The following SCRG1 variants were observed in gnomAD, a reference collection of about 807,000 sequenced individuals.
The protein encoded by SCRG1 is stimulator of chondrogenesis 1, also known as scrapie-responsive protein 1.
Under a neutral mutation model 7.7 loss-of-function variants are expected in SCRG1, and 3 were observed. The observed-to-expected ratio is 0.39, with a 90% CI of 0.18 to 1.01. SCRG1 has a LOEUF of 1.01. Ranked by LOEUF, SCRG1 falls within the 50% of genes least tolerant of loss-of-function variation. SCRG1 has a pLI of 0.36. For synonymous variants in SCRG1, 46 were observed against 41.2 expected, an observed-to-expected ratio of 1.12 and a Z score of -0.44; for missense variants, 110 against 117.2, an observed-to-expected ratio of 0.94 and a Z score of 0.28.
the SCRG1 span, among the ~76,000 whole-genome samples, chr4:173,417,428 TA>T: frequency 6.6e-6 from 1 of 152,106 alleles, no homozygotes; most frequent in Admixed American, 6.5e-5. Context: ...AGTTGCCCCC[TA>T]AGCCTCCAAA....
At chr4:173,504,458 C>T in the SCRG1 span, among the ~76,000 whole-genome samples, 1 of 152,178 alleles carries the variant, frequency 6.6e-6, no homozygotes, top group African/African-American at 2.4e-5. The surrounding 1 kb of genome is among the most constrained non-coding windows in gnomAD (Gnocchi z 4.7). Flanking sequence ...GACTAGACCT[C>T]TTTGTCTGCA....
chr4:173,494,839 G>A, the SCRG1 span, among the ~76,000 whole-genome samples: 1 of 152,236 alleles, frequency 6.6e-6, no homozygotes, highest in African/African-American at 2.4e-5. Flanking sequence ...AAATAACTGC[G>A]GCACTTAAAG....
the SCRG1 span, among the ~76,000 whole-genome samples, chr4:173,481,360 A>T: frequency 6.6e-6 from 1 of 152,322 alleles, no homozygotes; most frequent in East Asian, 1.9e-4. Flanking sequence ...ACGTGAGTTA[A>T]TTGAAGCATA....
At chr4:173,447,176 T>C in the SCRG1 span, among the ~76,000 whole-genome samples, 1 of 152,198 alleles carries the variant, frequency 6.6e-6, no homozygotes, top group Non-Finnish European at 1.5e-5. Flanking sequence ...GCAGGGTTTT[T>C]GATGAGAGTT....
upstream of SCRG1, among the ~76,000 whole-genome samples, chr4:173,407,252 C>G (rs1423647522): frequency 6.7e-6 from 1 of 148,246 alleles, no homozygotes; most frequent in Non-Finnish European, 1.5e-5. Context: ...TGCGGTGGCT[C>G]ACGCTTGTAA....
the SCRG1 span, among the ~76,000 whole-genome samples, chr4:173,432,637 C>T: frequency 1.3e-5 from 2 of 152,134 alleles, no homozygotes; most frequent in African/African-American, 2.4e-5. Flanking sequence ...CTCTAGGTTT[C>T]GGTTCTGTCA....
chr4:173,420,897 G>T, the SCRG1 span, among the ~76,000 whole-genome samples: 15 of 152,116 alleles, frequency 9.9e-5, no homozygotes, highest in Non-Finnish European at 1.9e-4. Flanking sequence ...CCTCCCCAAA[G>T]TCTGTGTGAG....
the SCRG1 span, among the ~76,000 whole-genome samples, chr4:173,432,709 G>A: frequency 2.6e-4 from 40 of 152,282 alleles, 2 homozygotes; most frequent in South Asian, 8.1e-3. Flanking sequence ...GTCCTAAAAT[G>A]TATAGAAAGG....
the SCRG1 span, among the ~76,000 whole-genome samples, chr4:173,483,760 CATATATATG>C: frequency 2.0e-3 from 31 of 15,256 alleles, 11 homozygotes; most frequent in South Asian, 0.012. Context: ...TGTGATATAT[CATATATATG>C]ATATATGATA....
the SCRG1 span, among the ~76,000 whole-genome samples, chr4:173,476,363 A>AAAAT: frequency 5.5e-4 from 54 of 98,508 alleles, 3 homozygotes; most frequent in African/African-American, 1.6e-3. Flanking sequence ...GGAAAAAAAA[A>AAAAT]ATATATATAT....
the SCRG1 span, among the ~76,000 whole-genome samples, chr4:173,430,861 A>G: frequency 2.0e-5 from 3 of 151,794 alleles, no homozygotes; most frequent in African/African-American, 7.3e-5. Context: ...AAATACAGGG[A>G]AAAACAATCT....
the SCRG1 span, among the ~76,000 whole-genome samples, chr4:173,429,251 G>A: frequency 6.6e-6 from 1 of 151,846 alleles, no homozygotes; most frequent in African/African-American, 2.4e-5. Flanking sequence ...TTTCTAGTAA[G>A]AAACCATTCT....
the SCRG1 span, among the ~76,000 whole-genome samples, chr4:173,483,256 G>A: frequency 5.6e-5 from 2 of 35,630 alleles, no homozygotes; most frequent in African/African-American, 7.5e-5. Context: ...TATCATATAT[G>A]ATATATCATA....
At chr4:173,485,348 G>C in the SCRG1 span, among the ~76,000 whole-genome samples, 4 of 148,782 alleles carry the variant, frequency 2.7e-5, no homozygotes, top group Non-Finnish European at 4.4e-5. Context: ...AAGTAAATCA[G>C]ACCTAGCTGT....
chr4:173,455,655 T>C, the SCRG1 span, among the ~76,000 whole-genome samples: 11 of 152,078 alleles, frequency 7.2e-5, no homozygotes. Flanking sequence ...CGCAGGCTCA[T>C]GTCAAGAAAA....
chr4:173,471,810 A>T, the SCRG1 span, among the ~76,000 whole-genome samples: 5 of 152,186 alleles, frequency 3.3e-5, no homozygotes, highest in African/African-American at 1.2e-4. Flanking sequence ...CCTGGGTTCA[A>T]GCGATTCTCC....
chr4:173,464,430 T>C, the SCRG1 span, among the ~76,000 whole-genome samples: 2 of 152,184 alleles, frequency 1.3e-5, no homozygotes, highest in East Asian at 1.9e-4. Flanking sequence ...ATTAACAAAA[T>C]AACCACCAAA....
the SCRG1 span, among the ~76,000 whole-genome samples, chr4:173,508,909 T>C: frequency 1.5e-3 from 230 of 152,186 alleles, 5 homozygotes; most frequent in Non-Finnish European, 3.2e-4. The surrounding 1 kb of genome is among the most constrained non-coding windows in gnomAD (Gnocchi z 4.4). Context: ...AGAAAGCTTG[T>C]CCCTGCACTC....
upstream of SCRG1, among the ~76,000 whole-genome samples, chr4:173,408,322 C>T (rs1052806633): frequency 1.3e-5 from 2 of 152,248 alleles, no homozygotes; most frequent in Admixed American, 6.5e-5. Flanking sequence ...TCAAATTAAT[C>T]TTTGCCTTTA....
Sources: gnomAD v4.1 joint callset for allele counts (sites outside exome capture counted in the v4.1 genomes callset) on GRCh38, gnomAD v4.1.1 for gene constraint, Gnocchi (gnomAD v3.1) non-coding constraint, MANE v1.5 for transcripts, NCBI Gene and HGNC (gene_info 2026-07-23, HGNC 2026-07-21) for gene names.